HDAC9: variants seen among roughly 807,000 people sequenced by gnomAD.
HDAC9 encodes the protein MEF-2 interacting transcription repressor (MITR) protein.
A neutral mutation model predicts 139.4 loss-of-function variants in HDAC9; 41 were observed. The observed-to-expected ratio is 0.29, with a 90% CI of 0.23 to 0.38. The LOEUF is 0.38. HDAC9 is among the 10% of genes least tolerant of loss of function. The pLI is 1.00. For missense variants in HDAC9, 1,147 were observed against 1,297.0 expected, an observed-to-expected ratio of 0.88 and a Z score of 1.78; for synonymous variants, 517 against 476.2, an observed-to-expected ratio of 1.09 and a Z score of -1.12.
chr7:18,687,873 T>A (rs1782389649), intron 12 of HDAC9, among the ~76,000 whole-genome samples: 1 of 151,822 alleles, frequency 6.6e-6, no homozygotes, highest in Admixed American at 6.6e-5. Flanking sequence ...ATAAAGATTG[T>A]TTTAGTCTTT....
At chr7:18,760,215 C>G (rs571888394) in intron 14 of HDAC9, among the ~76,000 whole-genome samples, 56 of 152,282 alleles carry the variant, frequency 3.7e-4, no homozygotes, top group Middle Eastern at 3.4e-3. Context: ...ATGCCCTGCT[C>G]AGTCCAATTT....
chr7:18,349,307 TACACACACACACAC>T (rs3138825), intron 1 of HDAC9, among the ~76,000 whole-genome samples: 21,561 of 125,738 alleles, frequency 0.17, 1,897 homozygotes, highest in Middle Eastern at 0.22. Context: ...TGAGAACATC[TACACACACACACAC>T]ACACACACAC....
intron 1 of HDAC9, among the ~76,000 whole-genome samples, chr7:18,306,126 T>C (rs913018035): frequency 6.6e-6 from 1 of 152,214 alleles, no homozygotes; most frequent in Non-Finnish European, 1.5e-5. Flanking sequence ...GTTGGTGTGC[T>C]AGGTAACTAA....
In HDAC9 at chr7:18,999,357, G is replaced by A. The variant is rs1267751547; in HGVS notation, c.*3295G>A. On this transcript the variant is annotated 3_prime_UTR_variant, in exon 26 of 26. Coordinates refer to ENST00000686413, the MANE Select transcript of HDAC9 (RefSeq NM_178425.4). ...TTCCAAAGGGCAATTATAAAGCCTC[G>A]TGGATTTACTGGGTTTCTTTACAGA... is the stretch of plus-strand genomic sequence containing the variant. 2.6e-5 allele frequency: 4 copies of A among 152,138 alleles called. No homozygotes were observed. The highest frequency in any genetic ancestry group is 7.2e-5 in the African/African-American group (3 of 41,414). The allele number at this position is 152,138 out of a possible 1,614,324, so 9.4% of individuals were successfully genotyped here.
At chr7:18,096,883 T>TTGTGTGTGTG (rs59590063) in intron 1 of HDAC9, among the ~76,000 whole-genome samples, 8 of 145,328 alleles carry the variant, frequency 5.5e-5, no homozygotes, top group African/African-American at 1.5e-4. Flanking sequence ...CTTGTTGGCT[T>TTGTGTGTGTG]TGTGTGTGTG....
At chr7:18,939,762 C>G (rs1781894626) in intron 23 of HDAC9, among the ~76,000 whole-genome samples, 1 of 152,124 alleles carries the variant, frequency 6.6e-6, no homozygotes, top group Admixed American at 6.5e-5. Context: ...TCCCAGTTTC[C>G]CTCCAAACCC....
chr7:18,302,907 T>A lies in HDAC9; in HGVS notation c.-42+12392T>A, dbSNP rs190259575. ...AGAGTTCTTTAACTGGTTGAATTAC[T>A]AGTTAACAATAGTTAATCATCTCAG... On this transcript the variant is annotated intron_variant, in intron 1 of 3. Coordinates refer to the HDAC9 transcript ENST00000413509. Among the ~76,000 whole-genome samples, 983 of 152,320 alleles carry A rather than the reference T, an allele frequency of 6.5e-3. 20 individuals carry two copies. The highest frequency in any genetic ancestry group is 0.035 in the Admixed American group (532 of 15,300).
At chr7:18,691,495 A>C (rs1341291988) in intron 12 of HDAC9, among the ~76,000 whole-genome samples, 3 of 151,926 alleles carry the variant, frequency 2.0e-5, no homozygotes, top group Non-Finnish European at 4.4e-5. Context: ...ATGTCTTGTT[A>C]CCGTGAGGTG....
intron 1 of HDAC9, among the ~76,000 whole-genome samples, chr7:18,138,281 G>T (rs1470363576): frequency 1.3e-5 from 2 of 152,078 alleles, no homozygotes; most frequent in East Asian, 1.9e-4. Context: ...CTTTGTAAGG[G>T]TTCTAAGGAG....
At position 18,647,785 on chromosome 7, in the gene HDAC9, G is replaced by T. The variant is rs546754813; in HGVS notation, c.1036G>T (p.Ala346Ser). The T allele has an allele frequency of 1.2e-6, 2 of 1,604,448 alleles. No individual in the cohort carries two copies. The highest frequency in any genetic ancestry group is 1.7e-6 in the Non-Finnish European group (2 of 1,175,062). Residue 346 changes from alanine to serine, a missense_variant and splice_region_variant, in exon 10 of 26, where the codon GCT becomes TCT. Ala to Ser is a moderately conservative substitution (Grantham distance 99, BLOSUM62 1). This residue lies in a region of HDAC9 where 264 missense variants were observed against 273.8 expected (regional missense o/e 0.96). Transcript: ENST00000686413. ...ACATCTTTGTTATTTCTCAACACAG[G>T]CTTCGAATTCACTCAAAGAAAAGCA... ...GLPAVPSQLNASNSLKEKQKC... is the reference protein window; with the variant it reads ...GLPAVPSQLNSSNSLKEKQKC...
At chr7:18,809,990 C>T (rs77185352) in intron 17 of HDAC9, among the ~76,000 whole-genome samples, 2,067 of 151,958 alleles carry the variant, frequency 0.014, 47 homozygotes, top group African/African-American at 0.046. Context: ...AGCAGATGAA[C>T]TACAAATAAA....
chr7:18,931,109 G>T (rs967517609), intron 22 of HDAC9, among the ~76,000 whole-genome samples: 2 of 152,094 alleles, frequency 1.3e-5, no homozygotes, highest in African/African-American at 4.8e-5. Context: ...AAGCGGTCTA[G>T]AATATTTAAT....
intron 12 of HDAC9, among the ~76,000 whole-genome samples, chr7:18,699,349 AG>A (rs1475149014): frequency 6.6e-6 from 1 of 151,576 alleles, no homozygotes; most frequent in Non-Finnish European, 1.5e-5. Context: ...TGGGCAGGGG[AG>A]TCTGTAGGTG....
intron 3 of HDAC9, among the ~76,000 whole-genome samples, chr7:18,587,076 C>T (rs1019659681): frequency 4.6e-5 from 7 of 152,044 alleles, no homozygotes; most frequent in Non-Finnish European, 7.4e-5. Flanking sequence ...ACATGTTTCC[C>T]TAAATACAGG....
intron 12 of HDAC9, among the ~76,000 whole-genome samples, chr7:18,715,667 T>G (rs1251302761): frequency 3.3e-5 from 5 of 152,174 alleles, no homozygotes; most frequent in Non-Finnish European, 7.4e-5. Flanking sequence ...TCTGAACCCA[T>G]GGGTTTTAAA....
At chr7:18,143,759 C>T (rs1029424861) in intron 1 of HDAC9, among the ~76,000 whole-genome samples, 1 of 149,322 alleles carries the variant, frequency 6.7e-6, no homozygotes, top group Non-Finnish European at 1.5e-5. Flanking sequence ...CACCATTACA[C>T]TCTAGCCTGG....
At chr7:18,748,140 T>C (rs1258106682) in intron 13 of HDAC9, among the ~76,000 whole-genome samples, 2 of 152,210 alleles carry the variant, frequency 1.3e-5, no homozygotes, top group Non-Finnish European at 2.9e-5. Flanking sequence ...AGAAATCTTC[T>C]TTAAATGAGC....
At chr7:18,814,080 A>G (rs960519561) in intron 17 of HDAC9, among the ~76,000 whole-genome samples, 2 of 152,148 alleles carry the variant, frequency 1.3e-5, no homozygotes, top group Admixed American at 6.5e-5. Flanking sequence ...TTACTTATAT[A>G]TGCTTTAGCT....
At chr7:18,732,559 A>G (rs1786179163) in intron 13 of HDAC9, among the ~76,000 whole-genome samples, 1 of 132,718 alleles carries the variant, frequency 7.5e-6, no homozygotes, top group Non-Finnish European at 1.6e-5. Flanking sequence ...GTATATACAC[A>G]CGTGTATATA....
Sources: allele counts gnomAD v4.1 joint callset (sites outside exome capture counted in the v4.1 genomes callset), GRCh38; gene constraint gnomAD v4.1.1; regional missense constraint gnomAD v4.1.1; transcripts MANE v1.5; gene names NCBI Gene and HGNC (gene_info 2026-07-23, HGNC 2026-07-21).